The following DCC variants were observed in gnomAD, a reference collection of about 807,000 sequenced individuals.
DCC encodes the protein netrin receptor DCC.
DCC carries 58 observed loss-of-function variants against 172.5 expected under a neutral mutation model. The observed-to-expected ratio is 0.34, with a 90% CI of 0.27 to 0.42. The LOEUF is 0.42. Ranked by LOEUF, DCC falls within the 10% of genes least tolerant of loss-of-function variation. DCC has a pLI of 1.00. For missense variants in DCC, 1,740 were observed against 1,791.0 expected (o/e 0.97, Z 0.51); for synonymous variants, 709 against 644.5 (o/e 1.10, Z -1.52).
At chr18:53,301,446 A>G (rs1327008226) in intron 12 of DCC, among the ~76,000 whole-genome samples, 2 of 151,584 alleles carry the variant, frequency 1.3e-5, no homozygotes, top group Non-Finnish European at 2.9e-5. Flanking sequence ...AAAAAAAAAA[A>G]CAAACAAAAA....
intron 7 of DCC, among the ~76,000 whole-genome samples, chr18:53,093,523 C>G (rs373490138): frequency 6.6e-6 from 1 of 152,104 alleles, no homozygotes; most frequent in African/African-American, 2.4e-5. Flanking sequence ...CTCTGACCCC[C>G]TAAAAAGGAA....
intron 3 of DCC, among the ~76,000 whole-genome samples, chr18:52,919,287 A>G (rs1322342019): frequency 6.6e-6 from 1 of 152,222 alleles, no homozygotes; most frequent in African/African-American, 2.4e-5. Context: ...CAACAAGAGT[A>G]AAAGGCATCC....
chr18:52,729,868 A>T (rs1037210235), intron 1 of DCC, among the ~76,000 whole-genome samples: 7 of 152,108 alleles, frequency 4.6e-5, no homozygotes, highest in African/African-American at 1.7e-4. Context: ...ACCTTATCCA[A>T]GTTATTTACT....
chr18:53,432,375 A>G (rs946009926), intron 21 of DCC, among the ~76,000 whole-genome samples: 10 of 152,206 alleles, frequency 6.6e-5, no homozygotes, highest in Admixed American at 2.6e-4. Flanking sequence ...AGGATCTAGG[A>G]CTATGCGTTG....
At chr18:52,448,546 C>T (rs144850090) in intron 1 of DCC, among the ~76,000 whole-genome samples, 242 of 151,752 alleles carry the variant, frequency 1.6e-3, no homozygotes, top group Non-Finnish European at 2.5e-3. Flanking sequence ...GCTTTTGAGA[C>T]GAGAAGTTTT....
intron 1 of DCC, among the ~76,000 whole-genome samples, chr18:52,428,730 C>T (rs560890982): frequency 3.3e-5 from 5 of 152,172 alleles, no homozygotes; most frequent in African/African-American, 1.2e-4. Context: ...TTTTTAAAAT[C>T]TTTATTTCAC....
intron 14 of DCC, among the ~76,000 whole-genome samples, chr18:53,337,355 C>T (rs943776306): frequency 2.0e-5 from 3 of 152,194 alleles, no homozygotes; most frequent in Admixed American, 6.5e-5. Context: ...AGTGCAAACA[C>T]TTCAAATATG....
At chr18:53,491,923 A>C (rs965603957) in intron 26 of DCC, among the ~76,000 whole-genome samples, 25 of 152,174 alleles carry the variant, frequency 1.6e-4, no homozygotes, top group Non-Finnish European at 1.5e-5. Context: ...TTTACACTCC[A>C]ACCAACAGTG....
chr18:52,667,419 T>C (rs1286458683), intron 1 of DCC, among the ~76,000 whole-genome samples: 1 of 152,270 alleles, frequency 6.6e-6, no homozygotes, highest in African/African-American at 2.4e-5. Flanking sequence ...AGTTCTATTT[T>C]ATTTCCTAAA....
At chr18:52,686,929 C>T (rs894468604) in intron 1 of DCC, among the ~76,000 whole-genome samples, 2 of 152,042 alleles carry the variant, frequency 1.3e-5, no homozygotes, top group Non-Finnish European at 2.9e-5. Context: ...TGATGTCATT[C>T]TTGTCACACC....
At chr18:52,521,685 T>G (rs2144667411) in intron 1 of DCC, among the ~76,000 whole-genome samples, 1 of 152,260 alleles carries the variant, frequency 6.6e-6, no homozygotes, top group East Asian at 1.9e-4. Flanking sequence ...GGAATCTGGG[T>G]TACACTAGTT....
chr18:53,227,225 T>C (rs1053799251), intron 12 of DCC, among the ~76,000 whole-genome samples: 43 of 151,914 alleles, frequency 2.8e-4, no homozygotes, highest in African/African-American at 1.0e-3. Context: ...GGATTACAGG[T>C]GTGAGCCACC....
chr18:52,410,421 T>A (rs960791017), intron 1 of DCC, among the ~76,000 whole-genome samples: 1 of 152,082 alleles, frequency 6.6e-6, no homozygotes, highest in Non-Finnish European at 1.5e-5. Flanking sequence ...TATAGAGAAA[T>A]ACCTCATTTG....
intron 7 of DCC, among the ~76,000 whole-genome samples, chr18:53,126,884 G>A (rs2043564834): frequency 6.6e-6 from 1 of 152,100 alleles, no homozygotes; most frequent in African/African-American, 2.4e-5. Context: ...ATGAGGTTAT[G>A]CTGTCTACTT....
rs141162486 is a variant in DCC at position 52,592,622 on chromosome 18, G to A, written c.92-159432G>A. ...TCTTTGGGTTTTCTGGTAGAAATAAGGAAATGAAATAAGGATATGGAAATA... is the reference window on the plus strand; with the variant it reads ...TCTTTGGGTTTTCTGGTAGAAATAAAGAAATGAAATAAGGATATGGAAATA... On this transcript the variant is annotated intron_variant, in intron 1 of 28. Transcript: ENST00000442544. Among the ~76,000 whole-genome samples, 178 of 152,282 alleles carry A rather than the reference G, an allele frequency of 1.2e-3. 3 individuals are homozygous for A. Among genetic ancestry groups the A allele is most frequent in the African/African-American group, 4.1e-3 (171 of 41,554 alleles).
chr18:53,454,315 G>A (rs114892206), intron 23 of DCC, among the ~76,000 whole-genome samples: 4,412 of 152,184 alleles, frequency 0.029, 232 homozygotes, highest in African/African-American at 0.1. Flanking sequence ...ACTGTACTCC[G>A]GCCTGGGTGA....
chr18:52,819,724 C>CTT lies in DCC; in HGVS notation c.412+67361_412+67362dup, dbSNP rs5824965. Among the ~76,000 whole-genome samples, 685 of 148,338 alleles carry CTT rather than the reference C, an allele frequency of 4.6e-3. 4 individuals are homozygous for CTT. Among genetic ancestry groups the CTT allele is most frequent in the Non-Finnish European group, 6.8e-3 (459 of 67,116 alleles). Reference sequence around the variant, plus strand: ...TTATATAGCATGATTAACTTGTGAACTTTTTTTTTTTTGAGACTGAGTCTT... The same window carrying CTT: ...TTATATAGCATGATTAACTTGTGAACTTTTTTTTTTTTTTGAGACTGAGTCTT... On this transcript the variant is annotated intron_variant, in intron 2 of 28. Transcript: ENST00000442544.
intron 2 of DCC, among the ~76,000 whole-genome samples, chr18:52,812,863 G>T (rs1271412666): frequency 6.6e-6 from 1 of 152,180 alleles, no homozygotes; most frequent in African/African-American, 2.4e-5. Context: ...AGTGTATCAG[G>T]CTGGGAACTT....
intron 1 of DCC, among the ~76,000 whole-genome samples, chr18:52,412,214 G>T (rs538583356): frequency 1.3e-5 from 2 of 152,206 alleles, no homozygotes; most frequent in East Asian, 1.9e-4. Flanking sequence ...CTGTGTGTTT[G>T]TAAAGGCATG....
Sources: allele counts gnomAD v4.1 joint callset (sites outside exome capture counted in the v4.1 genomes callset), GRCh38; gene constraint gnomAD v4.1.1; transcripts MANE v1.5; gene names NCBI Gene and HGNC (gene_info 2026-07-23, HGNC 2026-07-21).